Variants in TRIM71 observed in about 807,000 individuals in gnomAD.
TRIM71 encodes tripartite motif containing 71, also known as E3 ubiquitin-protein ligase TRIM71.
In TRIM71, 9 loss-of-function variants were observed where a neutral mutation model predicts 61.2. That is an observed-to-expected ratio of 0.15 (90% confidence interval 0.09 to 0.26). The LOEUF (loss-of-function observed/expected upper bound fraction) is 0.26. Among genes scored for constraint, TRIM71 ranks in the 10% least tolerant of loss-of-function variants. The probability of loss-of-function intolerance (pLI) is 1.00; values close to 1 mark genes in which losing one functional copy is unlikely to be tolerated. For missense variants in TRIM71, 998 were observed against 1,238.7 expected (o/e 0.81, Z 2.92); for synonymous variants, 645 against 553.2 (o/e 1.17, Z -2.33).
chr3:32,827,162 A>G (rs1184020359), intron 1 of TRIM71, among the ~76,000 whole-genome samples: 4 of 152,166 alleles, frequency 2.6e-5, no homozygotes, highest in Non-Finnish European at 5.9e-5. Context: ...ACATAGAAGT[A>G]GTAGTCTTTA....
At chr3:32,855,824 C>T (rs945705827) in intron 1 of TRIM71, among the ~76,000 whole-genome samples, 1 of 152,080 alleles carries the variant, frequency 6.6e-6, no homozygotes, top group South Asian at 2.1e-4. Context: ...TGCTTCTGTA[C>T]TGTTTATAAA....
At chr3:32,833,184 T>TAAA (rs1182178339) in intron 1 of TRIM71, among the ~76,000 whole-genome samples, 8,562 of 54,316 alleles carry the variant, frequency 0.16, 1,458 homozygotes, top group Non-Finnish European at 0.22. Flanking sequence ...ACTCTGTCTT[T>TAAA]AAAAAAAAAA....
rs141497192 is a variant in TRIM71, at chr3:32,874,907, G to A, written c.1020+922G>A. On this transcript the variant is annotated intron_variant, in intron 2 of 3. Transcript: ENST00000383763. ...GGGATATCAGCTCAGTGCAACCTCC[G>A]CCTCTCAGGTTCAAGTGATTCTGCT... Among the ~76,000 whole-genome samples the A allele has an allele frequency of 9.1e-4, 139 of 152,066 alleles. 2 individuals are homozygous for A. In the East Asian group the frequency reaches 0.022, roughly 25 times the overall value.
intron 1 of TRIM71, among the ~76,000 whole-genome samples, chr3:32,830,062 T>A (rs574819053): frequency 1.3e-5 from 2 of 151,796 alleles, no homozygotes; most frequent in East Asian, 3.9e-4. Context: ...TATATGGGAC[T>A]ATAGGTACAT....
chr3:32,890,510 C>A lies in TRIM71; in HGVS notation c.1306C>A (p.Arg436=), dbSNP rs199577539. 4 of 1,614,178 alleles carry A rather than the reference C, an allele frequency of 2.5e-6. No homozygotes were observed. Among genetic ancestry groups the A allele is most frequent in the Non-Finnish European group, 2.5e-6 (3 of 1,180,042 alleles). The part of the protein sequence containing the change: ...RALDILLARD[R]MLAQVQELKT... ...GCTAGACATCCTACTGGCCCGAGAC[C>A]GGATGCTGGCCCAGGTGCAGGAGCT... The change falls in exon 4 of 4, where the codon CGG becomes AGG. Residue 436 remains arginine, a synonymous_variant. Coordinates refer to ENST00000383763, the MANE Select transcript of TRIM71 (RefSeq NM_001039111.3). This position sits in a 1 kb window ranked among gnomAD's most constrained non-coding sequence, Gnocchi z 6.2.
chr3:32,888,627 G>A (rs1443492721), intron 3 of TRIM71, among the ~76,000 whole-genome samples: 1 of 151,834 alleles, frequency 6.6e-6, no homozygotes, highest in Non-Finnish European at 1.5e-5. Flanking sequence ...TGCAACCTCC[G>A]TCTCCTGGGT....
rs1696094046 is a variant in TRIM71 at position 32,818,799 on chromosome 3, G to A, written c.719G>A (p.Arg240His). 2 of 1,607,920 alleles carry A rather than the reference G, an allele frequency of 1.2e-6. No individual in the cohort carries two copies. Among genetic ancestry groups the A allele is most frequent in the Admixed American group, 3.4e-5 (2 of 59,614 alleles). Residue 240 changes from arginine (R) to histidine (H), a missense_variant, in exon 1 of 4, where the codon CGC (arginine) becomes CAC (histidine). Physicochemically the swap from Arg to His is conservative, Grantham distance 29. Around this residue, in one of 5 missense-constraint regions of TRIM71, gnomAD observed 527 missense variants for 427.8 expected, o/e 1.23. Transcript: ENST00000383763. ...CTCACCAAGGACCACTACATCGAGCGCGGCCCGCCGGGTCCCGGTGCCGCA... is the reference window on the plus strand; with the variant it reads ...CTCACCAAGGACCACTACATCGAGCACGGCCCGCCGGGTCCCGGTGCCGCA... ...VRLTKDHYIE[R>H]GPPGPGAAAA...
chr3:32,874,470 C>A (rs1439009181), intron 2 of TRIM71, among the ~76,000 whole-genome samples: 1 of 151,924 alleles, frequency 6.6e-6, no homozygotes, highest in Non-Finnish European at 1.5e-5. Flanking sequence ...TCAAGTGATT[C>A]TCCTCCCTCA....
At chr3:32,884,353 T>A (rs993873761) in intron 2 of TRIM71, among the ~76,000 whole-genome samples, 1 of 152,036 alleles carries the variant, frequency 6.6e-6, no homozygotes, top group Non-Finnish European at 1.5e-5. Flanking sequence ...GGAAGAATAT[T>A]CATAAAAATA....
intron 1 of TRIM71, among the ~76,000 whole-genome samples, chr3:32,830,543 C>T (rs1317241924): frequency 6.6e-6 from 1 of 152,110 alleles, no homozygotes; most frequent in African/African-American, 2.4e-5. Context: ...CTGCTCCTGT[C>T]CCCATACCCT....
At position 32,894,998 on chromosome 3, in the gene TRIM71, T is replaced by A. The variant is rs1371384462; in HGVS notation, c.*3187T>A. The A allele has an allele frequency of 1.3e-5, 2 of 152,194 alleles. No homozygotes were observed. The highest frequency in any genetic ancestry group is 6.5e-5 in the Admixed American group (1 of 15,278). The allele number at this position is 152,194 out of a possible 1,614,324, so 9.4% of individuals were successfully genotyped here. ...CAGGTGGCAAGGGTTGGGTGGGGTATGATGTAAGCTCAGTTTATGTGTGGA... is the reference window on the plus strand; with the variant it reads ...CAGGTGGCAAGGGTTGGGTGGGGTAAGATGTAAGCTCAGTTTATGTGTGGA... On this transcript the variant is annotated 3_prime_UTR_variant, in exon 4 of 4. Transcript: ENST00000383763.
In TRIM71 at chr3:32,874,367, T is replaced by TACTACA. The variant is rs776234839; in HGVS notation, c.1020+384_1020+385insTACAAC. ...CTACTACTACTACTACTACTACTAC[T>TACTACA]ACAACATATTTTTTGAGATGAGTCT... On this transcript the variant is annotated intron_variant, in intron 2 of 3. Transcript: ENST00000383763. 9.8e-3 allele frequency among the ~76,000 whole-genome samples: 1,086 copies of TACTACA among 110,942 alleles called. 4 individuals are homozygous for TACTACA. Among genetic ancestry groups the TACTACA allele is most frequent in the Middle Eastern group, 0.015 (3 of 200 alleles). The allele number at this position is 110,942 out of a possible 152,430, so 72.8% of individuals were successfully genotyped here.
At position 32,873,417 on chromosome 3, in the gene TRIM71, C is replaced by T. The variant is rs1012971156; in HGVS notation, c.853-401C>T. On this transcript the variant is annotated intron_variant, in intron 1 of 3. Coordinates refer to ENST00000383763, the MANE Select transcript of TRIM71 (RefSeq NM_001039111.3). Reference sequence around the variant, plus strand: ...TTCTGGTACATTCTTACATCCAGGCCACTAATATCAGACTAGGTAACACAG... The same window carrying T: ...TTCTGGTACATTCTTACATCCAGGCTACTAATATCAGACTAGGTAACACAG... Among the ~76,000 whole-genome samples the T allele has an allele frequency of 8.1e-4, 124 of 152,236 alleles. 1 individual carries two copies. The highest frequency in any genetic ancestry group is 2.7e-3 in the African/African-American group (112 of 41,536).
In TRIM71 at chr3:32,896,655, G is replaced by A. The variant is rs144992102; in HGVS notation, c.*4844G>A. 1.1e-4 allele frequency: 16 copies of A among 152,204 alleles called. No individual in the cohort carries two copies. Among genetic ancestry groups the A allele is most frequent in the African/African-American group, 3.4e-4 (14 of 41,536 alleles). The allele number at this position is 152,204 out of a possible 1,614,324, so 9.4% of individuals were successfully genotyped here. A position where few individuals can be genotyped will look rare whatever the true frequency, so the allele number is the denominator to read the frequency against. On this transcript the variant is annotated 3_prime_UTR_variant, in exon 4 of 4. Coordinates refer to ENST00000383763, the MANE Select transcript of TRIM71 (RefSeq NM_001039111.3). The stretch of plus-strand genomic sequence containing the variant: ...TGTCTATTTTTAAAACTGATCTTAC[G>A]GGTTAACAAGCCAGCCTGGTGGGAT...
chr3:32,863,527 C>T lies in TRIM71; in HGVS notation c.853-10291C>T, dbSNP rs117913336. ...CCTTGGGGTCCCTCTAGTTCACCCT[C>T]GTTCTCACCTGCAACTACTGTTGTT... On this transcript the variant is annotated intron_variant, in intron 1 of 3. Transcript: ENST00000383763. Among the ~76,000 whole-genome samples the T allele has an allele frequency of 4.4e-4, 67 of 152,304 alleles. No homozygotes were observed. In the East Asian group the frequency reaches 0.011, roughly 25 times the overall value.
intron 1 of TRIM71, among the ~76,000 whole-genome samples, chr3:32,840,311 TTTTAAA>T (rs1696389618): frequency 1.3e-5 from 2 of 152,072 alleles, no homozygotes; most frequent in South Asian, 4.2e-4. Context: ...GTAGGCACTC[TTTTAAA>T]TAGGCCAACA....
At chr3:32,834,585 A>G (rs930745566) in intron 1 of TRIM71, among the ~76,000 whole-genome samples, 3 of 152,148 alleles carry the variant, frequency 2.0e-5, no homozygotes, top group Admixed American at 1.3e-4. Context: ...TCATTTTCTT[A>G]TAAAAGGAGG....
chr3:32,827,512 C>T, intron 1 of TRIM71, among the ~76,000 whole-genome samples: 2 of 152,086 alleles, frequency 1.3e-5, no homozygotes. Context: ...TCTGCCGCCT[C>T]AGCCTCCCAA....
Position 32,818,564 on chromosome 3 carries a change from G to C in TRIM71, c.484G>C (p.Ala162Pro). The change falls in exon 1 of 4, where the codon GCC becomes CCC. Residue 162 changes from alanine (A) to proline (P), a missense_variant. Ala to Pro is a conservative substitution (Grantham distance 27). This residue lies in a region of TRIM71 where 527 missense variants were observed against 427.8 expected (regional missense o/e 1.23). Transcript: ENST00000383763. ...TCACCACGCGCACCCGCGCGCGTCC[G>C]CCTCCGCGCCGCCACTCCCGCAGGC... Reference protein sequence around the residue: ...HAHHAHPRASASAPPLPQAPQ... With the variant: ...HAHHAHPRASPSAPPLPQAPQ... 1 of 1,258,208 alleles carries C rather than the reference G, an allele frequency of 7.9e-7. No homozygotes were observed. The highest frequency in any genetic ancestry group is 9.9e-7 in the Non-Finnish European group (1 of 1,009,262). 77.9% of individuals were successfully genotyped at this position (1,258,208 alleles called of 1,614,324 possible).
Sources: allele counts gnomAD v4.1 joint callset (sites outside exome capture counted in the v4.1 genomes callset), GRCh38; gene constraint gnomAD v4.1.1; regional missense constraint gnomAD v4.1.1; non-coding constraint Gnocchi (gnomAD v3.1); transcripts MANE v1.5; gene names NCBI Gene and HGNC (gene_info 2026-07-23, HGNC 2026-07-21).